The following AGBL4 variants were observed in gnomAD, a reference collection of about 807,000 sequenced individuals.
AGBL4 encodes cytosolic carboxypeptidase 6.
A neutral mutation model predicts 66.4 loss-of-function variants in AGBL4; 58 were observed. The ratio of observed to expected loss-of-function variants is 0.87; its 90% CI spans 0.71 to 1.09. AGBL4 has a LOEUF of 1.09. AGBL4 is among the 50% of genes least tolerant of loss of function. The probability of loss-of-function intolerance (pLI) is 0.00; values close to 1 mark genes in which losing one functional copy is unlikely to be tolerated. For missense variants in AGBL4, 579 were observed against 631.0 expected, an observed-to-expected ratio of 0.92 and a Z score of 0.88; for synonymous variants, 234 against 222.9, an observed-to-expected ratio of 1.05 and a Z score of -0.44.
intron 3 of AGBL4, among the ~76,000 whole-genome samples, chr1:49,263,768 C>G (rs1557782087): frequency 6.6e-6 from 1 of 152,120 alleles, no homozygotes; most frequent in Non-Finnish European, 1.5e-5. Context: ...TATAACCTAG[C>G]AATTCCACTT....
chr1:49,553,806 CATT>C, intron 3 of AGBL4, among the ~76,000 whole-genome samples: 1 of 152,204 alleles, frequency 6.6e-6, no homozygotes, highest in Admixed American at 6.5e-5. Context: ...AACACTTCTA[CATT>C]ATTATAATGT....
chr1:49,920,379 G>A (rs7410820), intron 1 of AGBL4, among the ~76,000 whole-genome samples: 104,466 of 152,010 alleles, frequency 0.69, 36,660 homozygotes, highest in African/African-American at 0.79. Flanking sequence ...TAAAGAACTC[G>A]AACAAATTTA....
intron 4 of AGBL4, among the ~76,000 whole-genome samples, chr1:49,170,573 A>G (rs1421895148): frequency 1.4e-5 from 2 of 146,740 alleles, no homozygotes; most frequent in Admixed American, 1.4e-4. Flanking sequence ...ACATTTAAAT[A>G]TTTGTATTTA....
At chr1:49,768,060 A>G (rs1220822817) in intron 2 of AGBL4, among the ~76,000 whole-genome samples, 3 of 152,040 alleles carry the variant, frequency 2.0e-5, no homozygotes, top group African/African-American at 7.2e-5. Flanking sequence ...TGAGCCCTAG[A>G]CCTGATGGAT....
At chr1:49,439,539 A>C (rs1375345920) in intron 3 of AGBL4, among the ~76,000 whole-genome samples, 3 of 152,156 alleles carry the variant, frequency 2.0e-5, no homozygotes, top group Non-Finnish European at 4.4e-5. Context: ...ACTTGATTAG[A>C]TTGAAGGATG....
intron 1 of AGBL4, among the ~76,000 whole-genome samples, chr1:50,016,286 G>A (rs1320130919): frequency 6.6e-6 from 1 of 152,158 alleles, no homozygotes; most frequent in African/African-American, 2.4e-5. Flanking sequence ...AACAGGCTGG[G>A]CGTGGTGGCT....
chr1:49,536,525 C>G (rs1167308), intron 3 of AGBL4, among the ~76,000 whole-genome samples: 7,627 of 152,206 alleles, frequency 0.05, 586 homozygotes, highest in African/African-American at 0.16. Context: ...AAAATACCAA[C>G]ATCATCTTTC....
chr1:48,770,416 T>C (rs1644754336), intron 6 of AGBL4, among the ~76,000 whole-genome samples: 1 of 152,170 alleles, frequency 6.6e-6, no homozygotes. Context: ...TGATTCTAAG[T>C]CCATCTGTTA....
In AGBL4 at chr1:49,047,134, T is replaced by C. The variant is rs575666486; in HGVS notation, c.378-1334A>G. ...AGCTAAGTGGCCAGGGTGGGAGGTG[T>C]GGCTGTGGGATTCCTTTGGAACAGC... On this transcript the variant is annotated intron_variant, in intron 4 of 13. Coordinates refer to ENST00000371839, the MANE Select transcript of AGBL4 (RefSeq NM_032785.4). 6.0e-4 allele frequency among the ~76,000 whole-genome samples: 91 copies of C among 152,302 alleles called. 1 individual carries two copies. Among genetic ancestry groups the C allele is most frequent in the African/African-American group, 2.0e-3 (85 of 41,584 alleles).
At chr1:48,804,176 C>T (rs1035232211) in intron 6 of AGBL4, among the ~76,000 whole-genome samples, 1 of 152,130 alleles carries the variant, frequency 6.6e-6, no homozygotes, top group African/African-American at 2.4e-5. Context: ...CTCCACCCTG[C>T]CAACTCATGA....
At chr1:49,134,475 G>GCCCCCCCCCC (rs57286157) in intron 4 of AGBL4, among the ~76,000 whole-genome samples, 14 of 112,704 alleles carry the variant, frequency 1.2e-4, no homozygotes, top group South Asian at 3.6e-4. Flanking sequence ...ATTTTGGAGG[G>GCCCCCCCCCC]CCCCCCCCCC....
chr1:49,980,147 G>T lies in AGBL4; in HGVS notation c.34+43616C>A, dbSNP rs1357942144. ...TAGGCTATGAGTAAAGTTTTGGGGGGGTCTAAAGTTACATGTGGATTTTTG... is the reference window on the plus strand; with the variant it reads ...TAGGCTATGAGTAAAGTTTTGGGGGTGTCTAAAGTTACATGTGGATTTTTG... On this transcript the variant is annotated intron_variant, in intron 1 of 13. Transcript: ENST00000371839. Among the ~76,000 whole-genome samples the T allele has an allele frequency of 2.6e-5, 4 of 152,078 alleles. No homozygotes were observed. In the East Asian group the frequency reaches 7.7e-4, roughly 29 times the overall value.
At chr1:49,959,735 T>C (rs1172284181) in intron 1 of AGBL4, among the ~76,000 whole-genome samples, 5 of 152,084 alleles carry the variant, frequency 3.3e-5, no homozygotes, top group Non-Finnish European at 5.9e-5. Flanking sequence ...TGCATACATA[T>C]ATTCATTGCA....
chr1:49,992,820 A>G (rs927020204), intron 1 of AGBL4, among the ~76,000 whole-genome samples: 4 of 152,168 alleles, frequency 2.6e-5, no homozygotes, highest in Admixed American at 2.0e-4. Flanking sequence ...TCTCACTCCT[A>G]TAAACTCTCC....
intron 6 of AGBL4, among the ~76,000 whole-genome samples, chr1:48,750,905 A>T (rs1651628895): frequency 6.6e-6 from 1 of 152,012 alleles, no homozygotes; most frequent in Admixed American, 6.6e-5. Flanking sequence ...TACCCCCCAC[A>T]CTCAGAGTAC....
intron 4 of AGBL4, among the ~76,000 whole-genome samples, chr1:49,103,310 C>T (rs925810404): frequency 3.3e-5 from 5 of 152,094 alleles, no homozygotes; most frequent in East Asian, 1.9e-4. Flanking sequence ...CACAGTCCTG[C>T]GAACATTTCC....
intron 4 of AGBL4, among the ~76,000 whole-genome samples, chr1:49,207,653 T>A (rs1225833339): frequency 2.7e-5 from 4 of 150,310 alleles, no homozygotes; most frequent in African/African-American, 9.8e-5. Context: ...GAGTACATAC[T>A]TGATCACAGC....
intron 1 of AGBL4, among the ~76,000 whole-genome samples, chr1:49,939,495 CA>C (rs1407852913): frequency 6.6e-6 from 1 of 151,524 alleles, no homozygotes; most frequent in Non-Finnish European, 1.5e-5. Flanking sequence ...GTACTGGTAC[CA>C]AAACAGAGAT....
At chr1:49,349,688 A>G (rs1332759879) in intron 3 of AGBL4, among the ~76,000 whole-genome samples, 1 of 152,210 alleles carries the variant, frequency 6.6e-6, no homozygotes, top group Non-Finnish European at 1.5e-5. Context: ...CATTAAGGGC[A>G]GTGTTATGGG....
Sources: allele counts gnomAD v4.1 joint callset (sites outside exome capture counted in the v4.1 genomes callset), GRCh38; gene constraint gnomAD v4.1.1; transcripts MANE v1.5; gene names NCBI Gene and HGNC (gene_info 2026-07-23, HGNC 2026-07-21).